The following SMCO4 variants were observed in gnomAD, a reference collection of about 807,000 sequenced individuals.
SMCO4 encodes the protein single-pass membrane protein with coiled-coil domains 4.
Under a neutral mutation model 3.6 loss-of-function variants are expected in SMCO4, and 4 were observed. That is an observed-to-expected ratio of 1.11 (90% CI 0.54 to 2.53). SMCO4 has a LOEUF of 2.53. Among genes scored for constraint, SMCO4 ranks in the 30% most tolerant of loss-of-function variants. SMCO4 has a pLI of 0.02. For missense variants in SMCO4, 70 were observed against 80.8 expected (o/e 0.87, Z 0.51); for synonymous variants, 36 against 35.3 (o/e 1.02, Z -0.07).
intron 2 of SMCO4, chr11:93,481,300 C>T (rs780846667): frequency 1.5e-5 from 4 of 269,586 alleles, no homozygotes; most frequent in Non-Finnish European, 1.7e-5. Context: ...TGCATCTGTA[C>T]CCAGAGCTCT....
rs58177836 is a variant in SMCO4 at position 93,478,713 on chromosome 11, GCACACACACACACACACACACA to G, written c.*275_*296del. ...ATCGATTTTTAGGAGAGAAAAAGAA[GCACACACACACACACACACACA>G]CACACACACACACACACATGCGCGC... On this transcript the variant is annotated 3_prime_UTR_variant, in exon 3 of 3. Transcript: ENST00000298966. 7.1e-5 allele frequency: 16 copies of G among 225,998 alleles called. No homozygotes were observed. The highest frequency in any genetic ancestry group is 7.8e-5 in the Non-Finnish European group (10 of 128,616). 14.0% of individuals were successfully genotyped at this position (225,998 alleles called of 1,614,324 possible). A position where few individuals can be genotyped will look rare whatever the true frequency, so the allele number is the denominator to read the frequency against.
upstream of SMCO4, among the ~76,000 whole-genome samples, chr11:93,548,060 G>T (rs190165018): frequency 6.6e-6 from 1 of 152,230 alleles, no homozygotes; most frequent in African/African-American, 2.4e-5. Context: ...GGTCAGGAAT[G>T]TATGTTCATA....
At chr11:93,534,258 A>ACACACG (rs1565389946) in intron 1 of SMCO4, among the ~76,000 whole-genome samples, 1 of 145,584 alleles carries the variant, frequency 6.9e-6, no homozygotes, top group Non-Finnish European at 1.5e-5. Context: ...ACACACACAC[A>ACACACG]CACAAACACA....
At position 93,501,768 on chromosome 11, in the gene SMCO4, G is replaced by A. The variant is rs142817932; in HGVS notation, c.-153-2420C>T. 4.6e-3 allele frequency among the ~76,000 whole-genome samples: 698 copies of A among 152,166 alleles called. 6 individuals are homozygous for A. The highest frequency in any genetic ancestry group is 0.014 in the Middle Eastern group (4 of 294). On this transcript the variant is annotated intron_variant, in intron 1 of 2. Coordinates refer to ENST00000298966, the MANE Select transcript of SMCO4 (RefSeq NM_020179.3). ...TTGGGGCCACCATTTAGCCAACTAC[G>A]GCGGGTTTGGGTATTGTTGAATTTG...
rs577614258 is a variant in SMCO4, at chr11:93,532,421, A to G, written c.-154+10855T>C. 3.8e-4 allele frequency among the ~76,000 whole-genome samples: 58 copies of G among 152,328 alleles called. 1 individual carries two copies. The highest frequency in any genetic ancestry group is 1.3e-3 in the African/African-American group (56 of 41,574). On this transcript the variant is annotated intron_variant, in intron 1 of 2. Transcript: ENST00000298966. ...AAACCCCCAGGTTCTCAGGTCTTCA[A>G]CCTCAAACTGAGACTTACACCATCA...
At chr11:93,494,771 A>G (rs1948755700) in intron 2 of SMCO4, among the ~76,000 whole-genome samples, 3 of 152,252 alleles carry the variant, frequency 2.0e-5, no homozygotes, top group African/African-American at 7.2e-5. Flanking sequence ...GAGAAGTCTT[A>G]GTACAGACCA....
At chr11:93,543,042 G>T (rs1949284275) in intron 1 of SMCO4, among the ~76,000 whole-genome samples, 1 of 151,824 alleles carries the variant, frequency 6.6e-6, no homozygotes. Context: ...AGCCGCGACG[G>T]GCAGGCGAGC....
At chr11:93,487,923 C>T (rs1948669902) in intron 2 of SMCO4, among the ~76,000 whole-genome samples, 1 of 152,186 alleles carries the variant, frequency 6.6e-6, no homozygotes, top group South Asian at 2.1e-4. Context: ...ATTTTTTAAG[C>T]ATACCCTGTA....
At chr11:93,500,592 AAGGGG>A (rs1948826009) in intron 1 of SMCO4, among the ~76,000 whole-genome samples, 1 of 152,172 alleles carries the variant, frequency 6.6e-6, no homozygotes, top group Non-Finnish European at 1.5e-5. Context: ...CAGAACTGGA[AAGGGG>A]AAGGGAGTTG....
At chr11:93,542,831 T>C (rs1949281945) in intron 1 of SMCO4, among the ~76,000 whole-genome samples, 1 of 151,916 alleles carries the variant, frequency 6.6e-6, no homozygotes, top group African/African-American at 2.4e-5. Context: ...CGCACCCCTT[T>C]CTCGGCGTCC....
At chr11:93,504,982 G>A (rs2134602731) in intron 1 of SMCO4, among the ~76,000 whole-genome samples, 1 of 152,322 alleles carries the variant, frequency 6.6e-6, no homozygotes, top group Middle Eastern at 3.4e-3. Flanking sequence ...GTTTTTCTAA[G>A]TATGTTTATG....
intron 1 of SMCO4, among the ~76,000 whole-genome samples, chr11:93,503,551 A>C (rs2134600812): frequency 6.6e-6 from 1 of 152,348 alleles, no homozygotes; most frequent in Non-Finnish European, 1.5e-5. Flanking sequence ...GATTAAGTCA[A>C]GAATTGTGAG....
intron 1 of SMCO4, among the ~76,000 whole-genome samples, chr11:93,506,164 G>A (rs939221370): frequency 2.0e-5 from 3 of 152,216 alleles, no homozygotes; most frequent in Admixed American, 1.3e-4. Flanking sequence ...AATGTTCCGG[G>A]TAGAGGGGGC....
At chr11:93,488,993 A>G (rs188727725) in intron 2 of SMCO4, among the ~76,000 whole-genome samples, 21 of 152,288 alleles carry the variant, frequency 1.4e-4, no homozygotes, top group Admixed American at 9.8e-4. Context: ...CAGGTCCTCT[A>G]TGACTTGCAG....
upstream of SMCO4, among the ~76,000 whole-genome samples, chr11:93,546,483 CA>C (rs1481623815): frequency 6.6e-6 from 1 of 152,206 alleles, no homozygotes; most frequent in Non-Finnish European, 1.5e-5. Flanking sequence ...ATGACAATTA[CA>C]TTTATTGGCA....
At chr11:93,512,573 T>A (rs117169667) in intron 1 of SMCO4, among the ~76,000 whole-genome samples, 2,742 of 152,334 alleles carry the variant, frequency 0.018, 41 homozygotes, top group South Asian at 0.044. Context: ...TATGTTTAGA[T>A]ACACAAATGC....
chr11:93,553,920 C>T, the SMCO4 span, among the ~76,000 whole-genome samples: 1 of 152,190 alleles, frequency 6.6e-6, no homozygotes, highest in Non-Finnish European at 1.5e-5. Flanking sequence ...CTTTCAATAA[C>T]CTGACATCTT....
At position 93,478,918 on chromosome 11, in the gene SMCO4, G is replaced by C. The variant is rs991937298; in HGVS notation, c.*92C>G. The C allele has an allele frequency of 3.4e-6, 5 of 1,479,182 alleles. No homozygotes were observed. Among genetic ancestry groups the C allele is most frequent in the Non-Finnish European group, 4.5e-6 (5 of 1,114,912 alleles). The allele number at this position is 1,479,182 out of a possible 1,614,324, so 91.6% of individuals were successfully genotyped here. A position where few individuals can be genotyped will look rare whatever the true frequency, so the allele number is the denominator to read the frequency against. ...GCTCCTGCTTACAGCTCAGCAACAT[G>C]AACATCTCTGAATATGAAAGCCATT... is the stretch of plus-strand genomic sequence containing the variant. On this transcript the variant is annotated 3_prime_UTR_variant, in exon 3 of 3. Transcript: ENST00000298966.
intron 1 of SMCO4, among the ~76,000 whole-genome samples, chr11:93,540,179 T>C (rs1003261621): frequency 2.0e-5 from 3 of 152,200 alleles, no homozygotes; most frequent in African/African-American, 7.2e-5. Context: ...AAAAGTACTT[T>C]AAGCCTTTTC....
Sources: allele counts gnomAD v4.1 joint callset (sites outside exome capture counted in the v4.1 genomes callset), GRCh38; gene constraint gnomAD v4.1.1; transcripts MANE v1.5; gene names NCBI Gene and HGNC (gene_info 2026-07-23, HGNC 2026-07-21).